GLB1: variants seen among roughly 807,000 people sequenced by gnomAD.
GLB1 encodes the protein beta-galactosidase.
In GLB1, 56 loss-of-function variants were observed where a neutral mutation model predicts 74.0. The ratio of observed to expected loss-of-function variants is 0.76; its 90% CI spans 0.61 to 0.94. GLB1 has a LOEUF of 0.94. GLB1 is among the 40% of genes least tolerant of loss of function. GLB1 has a pLI of 0.00. For synonymous variants in GLB1, 323 were observed against 323.6 expected (o/e 1.00, Z 0.02); for missense variants, 787 against 845.5 (o/e 0.93, Z 0.86).
the GLB1 span, among the ~76,000 whole-genome samples, chr3:32,985,846 G>A: frequency 6.6e-6 from 1 of 151,948 alleles, no homozygotes; most frequent in Non-Finnish European, 1.5e-5. Context: ...GCTGGGCTGG[G>A]ACTACAGGCA....
intron 9 of GLB1, among the ~76,000 whole-genome samples, 152 bp downstream of exon 9, chr3:33,051,603 CAAA>C (rs59740209): frequency 4.0e-5 from 3 of 75,454 alleles, no homozygotes; most frequent in South Asian, 5.0e-4. Flanking sequence ...AGACTGTCTA[CAAA>C]AAAAAAAAAA....
At chr3:33,060,065 A>C (rs1263226340) in intron 5 of GLB1, among the ~76,000 whole-genome samples, 2 of 152,228 alleles carry the variant, frequency 1.3e-5, no homozygotes, top group Non-Finnish European at 2.9e-5. Context: ...CATCACCAAC[A>C]GCTCAATTTC....
chr3:33,053,260 C>T lies in GLB1; in HGVS notation c.792+231G>A, dbSNP rs75764209. On this transcript the variant is annotated intron_variant, in intron 7 of 15. Coordinates refer to ENST00000307363, the MANE Select transcript of GLB1 (RefSeq NM_000404.4). ...CAGGAGCACAGAACCTGATGTGTAA[C>T]AGGCCATTCATGTTGGTCCCCAGTC... is the stretch of plus-strand genomic sequence containing the variant. 0.081 allele frequency among the ~76,000 whole-genome samples: 12,257 copies of T among 152,150 alleles called. 1,152 individuals are homozygous for T. Among genetic ancestry groups the T allele is most frequent in the East Asian group, 0.48 (2,449 of 5,152 alleles).
At position 33,068,806 on chromosome 3, in the gene GLB1, C is replaced by T; in HGVS notation, c.396+14G>A. 1 of 1,613,596 alleles carries T rather than the reference C, an allele frequency of 6.2e-7. No individual in the cohort carries two copies. Among genetic ancestry groups the T allele is most frequent in the Non-Finnish European group, 8.5e-7 (1 of 1,180,022 alleles). ...TCACACACACCAGGTAGAGCCCAGT[C>T]TAGCCACACTCACCATTTCCCACTC... On this transcript the variant is annotated intron_variant, in intron 3 of 15. Coordinates refer to ENST00000307363, the MANE Select transcript of GLB1 (RefSeq NM_000404.4).
the GLB1 span, among the ~76,000 whole-genome samples, chr3:32,984,315 G>GA: frequency 6.0e-3 from 910 of 152,050 alleles, 13 homozygotes; most frequent in African/African-American, 0.021. Flanking sequence ...GCTCAGGGGG[G>GA]AATTCAAGGG....
rs1410682293 is a variant in GLB1 at position 33,042,407 on chromosome 3, G to A, written c.1068+3713C>T. 5.4e-5 allele frequency among the ~76,000 whole-genome samples: 6 copies of A among 112,112 alleles called. No homozygotes were observed. The East Asian group carries it at 1.0e-3, about 19-fold the overall frequency. 73.5% of individuals were successfully genotyped at this position (112,112 alleles called of 152,430 possible). Reference sequence around the variant, plus strand: ...TTTTTTTTCCAAGTCTCGCTCTGTCGCCCAGGCTGGAGTGCAGTGGCGTGA... The same window carrying A: ...TTTTTTTTCCAAGTCTCGCTCTGTCACCCAGGCTGGAGTGCAGTGGCGTGA... On this transcript the variant is annotated intron_variant, in intron 10 of 15. Transcript: ENST00000307363.
At chr3:32,965,215 T>C in the GLB1 span, among the ~76,000 whole-genome samples, 1 of 152,146 alleles carries the variant, frequency 6.6e-6, no homozygotes, top group Admixed American at 6.5e-5. Context: ...AGGCAGAGGT[T>C]GGAACAGTTT....
intron 11 of GLB1, among the ~76,000 whole-genome samples, chr3:33,022,530 C>T (rs1697533666): frequency 7.0e-6 from 1 of 142,710 alleles, no homozygotes; most frequent in South Asian, 2.3e-4. Flanking sequence ...GGCTCCAAAC[C>T]CCAGGATTTT....
chr3:32,975,044 T>G, the GLB1 span, among the ~76,000 whole-genome samples: 1 of 152,204 alleles, frequency 6.6e-6, no homozygotes, highest in Non-Finnish European at 1.5e-5. Context: ...ATGAATTATG[T>G]GACAGAATGA....
chr3:33,037,749 A>T (rs1575435980), intron 10 of GLB1, among the ~76,000 whole-genome samples: 1 of 152,258 alleles, frequency 6.6e-6, no homozygotes, highest in Non-Finnish European at 1.5e-5. Flanking sequence ...CACTGTCAAC[A>T]GAGGCTTTGA....
the GLB1 span, among the ~76,000 whole-genome samples, chr3:32,981,090 C>CAAAAA: frequency 3.7e-4 from 17 of 46,296 alleles, no homozygotes; most frequent in Admixed American, 1.2e-3. Context: ...GACTCCGTCT[C>CAAAAA]AAAAAAAAAA....
Position 33,045,781 on chromosome 3 carries a change from T to A in GLB1, c.1068+339A>T, listed in dbSNP as rs1313003258. 3 of 1,172,276 alleles carry A rather than the reference T, an allele frequency of 2.6e-6. No homozygotes were observed. In the East Asian group the frequency reaches 1.8e-4, roughly 69 times the overall value. 72.6% of individuals were successfully genotyped at this position (1,172,276 alleles called of 1,614,324 possible). On this transcript the variant is annotated intron_variant, in intron 10 of 15. Coordinates refer to ENST00000307363, the MANE Select transcript of GLB1 (RefSeq NM_000404.4). Reference sequence around the variant, plus strand: ...CCTCTCACCTGAACTTTTGGAAAGATAATCTGGCCTGGAAGGAGAAGAAAA... The same window carrying A: ...CCTCTCACCTGAACTTTTGGAAAGAAAATCTGGCCTGGAAGGAGAAGAAAA...
intron 2 of GLB1, among the ~76,000 whole-genome samples, 187 bp from the exon 3 acceptor site, chr3:33,069,157 C>T (rs1234241209): frequency 1.3e-5 from 2 of 152,002 alleles, no homozygotes; most frequent in African/African-American, 4.8e-5. Flanking sequence ...TGGGAAGTCA[C>T]GGTGGGTGGA....
At chr3:33,043,846 A>ATGCAGGTAAAAGGTG (rs1396181860) in intron 10 of GLB1, among the ~76,000 whole-genome samples, 1 of 52,728 alleles carries the variant, frequency 1.9e-5, no homozygotes. Context: ...CAAAAAAAGA[A>ATGCAGGTAAAAGGTG]AAAAAAAAAA....
At chr3:33,042,646 C>T (rs1176581455) in intron 10 of GLB1, among the ~76,000 whole-genome samples, 1 of 152,114 alleles carries the variant, frequency 6.6e-6, no homozygotes, top group African/African-American at 2.4e-5. Context: ...GGATTACAGG[C>T]GTGAGCCACC....
At position 33,034,732 on chromosome 3, in the gene GLB1, G is replaced by GGT. The variant is rs1236758148; in HGVS notation, c.1069-10409_1069-10408dup. The GGT allele has an allele frequency of 7.2e-6, 5 of 694,418 alleles. No homozygotes were observed. The East Asian group carries it at 1.5e-4, about 21-fold the overall frequency. 43.0% of individuals were successfully genotyped at this position (694,418 alleles called of 1,614,324 possible). A position where few individuals can be genotyped will look rare whatever the true frequency, so the allele number is the denominator to read the frequency against. On this transcript the variant is annotated intron_variant, in intron 10 of 15. Transcript: ENST00000307363. ...GGAAGCAGTTGGTTGATGGGCAGTG[G>GGT]GTGTGTATCAGTGATGTCAACAAGG...
At chr3:32,962,097 G>A in the GLB1 span, among the ~76,000 whole-genome samples, 1 of 152,006 alleles carries the variant, frequency 6.6e-6, no homozygotes, top group African/African-American at 2.4e-5. Flanking sequence ...AGGAGGCCAA[G>A]GTAGGAGAAT....
At position 33,014,154 on chromosome 3, in the gene GLB1, A is replaced by G; in HGVS notation, c.1636T>C (p.Tyr546His). ...CCCATATAAAAGGCCGGGAGCGTGT[A>G]GTTGGATGAGTTGTGGGCCCAGGCT... ...DEAWAHNSSNYTLPAFYMGNF... is the reference protein window; with the variant it reads ...DEAWAHNSSNHTLPAFYMGNF... Residue 546 changes from tyrosine to histidine, a missense_variant, in exon 15 of 16, where the codon TAC becomes CAC. By Grantham distance (83) the Tyr-to-His change is moderately conservative. Coordinates refer to ENST00000307363, the MANE Select transcript of GLB1 (RefSeq NM_000404.4). The G allele has an allele frequency of 1.2e-6, 2 of 1,614,180 alleles. No individual in the cohort carries two copies. Among genetic ancestry groups the G allele is most frequent in the South Asian group, 2.2e-5 (2 of 91,078 alleles).
chr3:33,080,212 T>C (rs774580937), intron 1 of GLB1, among the ~76,000 whole-genome samples: 2 of 152,198 alleles, frequency 1.3e-5, no homozygotes, highest in Non-Finnish European at 1.5e-5. Context: ...CAAGCAATTC[T>C]CCTGCCTCAG....
Sources: allele counts gnomAD v4.1 joint callset (sites outside exome capture counted in the v4.1 genomes callset), GRCh38; gene constraint gnomAD v4.1.1; transcripts MANE v1.5; gene names NCBI Gene and HGNC (gene_info 2026-07-23, HGNC 2026-07-21).